MTCL3: variants seen among roughly 807,000 people sequenced by gnomAD.
The protein encoded by MTCL3 is MTCL family member 3.
At chr6:127,477,855 A>C in the MTCL3 span, among the ~76,000 whole-genome samples, 1 of 152,204 alleles carries the variant, frequency 6.6e-6, no homozygotes, top group Non-Finnish European at 1.5e-5. Flanking sequence ...TTAACATTGC[A>C]GTGCACAAGT....
the MTCL3 span, among the ~76,000 whole-genome samples, chr6:127,499,254 C>T: frequency 3.5e-4 from 54 of 152,138 alleles, no homozygotes; most frequent in African/African-American, 4.8e-4. Flanking sequence ...AAGGTCATAA[C>T]GGGAGATGAA....
At chr6:127,497,634 C>T in the MTCL3 span, among the ~76,000 whole-genome samples, 4 of 152,168 alleles carry the variant, frequency 2.6e-5, no homozygotes, top group Admixed American at 1.3e-4. Flanking sequence ...GAATTGTGCA[C>T]GTCAAGCTGT....
the MTCL3 span, among the ~76,000 whole-genome samples, chr6:127,504,557 G>A: frequency 4.6e-5 from 7 of 152,144 alleles, no homozygotes; most frequent in Non-Finnish European, 1.0e-4. Flanking sequence ...CATGGTAGAG[G>A]GGAGTGGTGG....
At chr6:127,499,121 T>C in the MTCL3 span, among the ~76,000 whole-genome samples, 2 of 151,942 alleles carry the variant, frequency 1.3e-5, no homozygotes, top group African/African-American at 4.8e-5. Flanking sequence ...AAAAGTCAGC[T>C]AAAAAAAGAA....
chr6:127,475,854 G>A, the MTCL3 span: 6 of 1,613,472 alleles, frequency 3.7e-6, no homozygotes, highest in Admixed American at 6.7e-5. The surrounding 1 kb of genome is among the most constrained non-coding windows in gnomAD (Gnocchi z 7.3). Flanking sequence ...CGCGGTTCTC[G>A]TACTGCAGCT....
At chr6:127,497,123 A>G in the MTCL3 span, among the ~76,000 whole-genome samples, 1 of 152,242 alleles carries the variant, frequency 6.6e-6, no homozygotes, top group Admixed American at 6.5e-5. Flanking sequence ...ACAACGTGGA[A>G]GTTTACTACA....
chr6:127,501,752 G>T, the MTCL3 span, among the ~76,000 whole-genome samples: 1 of 152,058 alleles, frequency 6.6e-6, no homozygotes, highest in African/African-American at 2.4e-5. Flanking sequence ...GTTAGGAAAG[G>T]CTAAATGACA....
chr6:127,515,432 C>T, the MTCL3 span: 5 of 1,318,886 alleles, frequency 3.8e-6, no homozygotes, highest in Non-Finnish European at 5.0e-6. This position sits in a 1 kb window ranked among gnomAD's most constrained non-coding sequence, Gnocchi z 4.3. Context: ...GGTTAGCAGC[C>T]TCTGATCCCT....
At chr6:127,515,587 G>T in the MTCL3 span, 2 of 1,434,432 alleles carry the variant, frequency 1.4e-6, no homozygotes, top group East Asian at 2.8e-5. This position sits in a 1 kb window ranked among gnomAD's most constrained non-coding sequence, Gnocchi z 4.3. Context: ...GAGCTGCTGC[G>T]GGTGCGGCTG....
chr6:127,475,203 C>A, the MTCL3 span: 8 of 1,397,050 alleles, frequency 5.7e-6, no homozygotes, highest in Non-Finnish European at 5.8e-6. This position sits in a 1 kb window ranked among gnomAD's most constrained non-coding sequence, Gnocchi z 7.3. Flanking sequence ...AAGCGGGGCG[C>A]GGCAGTCCGG....
the MTCL3 span, among the ~76,000 whole-genome samples, chr6:127,500,609 ATTATT>A: frequency 1.2e-3 from 183 of 152,218 alleles, 4 homozygotes; most frequent in Non-Finnish European, 4.0e-4. Context: ...TGTTGTACAG[ATTATT>A]TTATCACCTA....
At chr6:127,491,895 A>C in the MTCL3 span, among the ~76,000 whole-genome samples, 5 of 151,732 alleles carry the variant, frequency 3.3e-5, no homozygotes, top group Admixed American at 3.3e-4. Context: ...AAAAAAAAAA[A>C]AAAAAAAGAT....
the MTCL3 span, chr6:127,473,476 G>T: frequency 9.4e-7 from 1 of 1,064,652 alleles, no homozygotes; most frequent in Non-Finnish European, 1.3e-6. Flanking sequence ...AATTTAAGTA[G>T]TCATTCAACT....
the MTCL3 span, chr6:127,516,801 T>TTGACTTTAGGAATAGGATGCAGGGC: frequency 1.3e-5 from 13 of 1,024,184 alleles, no homozygotes; most frequent in South Asian, 2.1e-4. Context: ...AATAGAAGCT[T>TTGACTTTAGGAATAGGATGCAGGGC]TGACTTTAGG....
At chr6:127,514,201 T>C in the MTCL3 span, among the ~76,000 whole-genome samples, 1 of 152,194 alleles carries the variant, frequency 6.6e-6, no homozygotes, top group Non-Finnish European at 1.5e-5. Flanking sequence ...GAAGGAACAA[T>C]TGCACTTTAA....
chr6:127,494,026 T>C, the MTCL3 span, among the ~76,000 whole-genome samples: 1 of 152,188 alleles, frequency 6.6e-6, no homozygotes, highest in South Asian at 2.1e-4. Context: ...TAAGTCTTTT[T>C]TGGTGTGGGA....
chr6:127,516,974 T>C, the MTCL3 span, among the ~76,000 whole-genome samples: 1 of 151,986 alleles, frequency 6.6e-6, no homozygotes, highest in African/African-American at 2.4e-5. Context: ...AAGGGTGAGA[T>C]ACAGAGTCAG....
the MTCL3 span, among the ~76,000 whole-genome samples, chr6:127,501,624 C>T: frequency 6.6e-6 from 1 of 152,308 alleles, no homozygotes; most frequent in East Asian, 1.9e-4. Context: ...AATAACTGAG[C>T]TAGCCAGCAG....
chr6:127,514,195 G>C, the MTCL3 span, among the ~76,000 whole-genome samples: 2 of 152,038 alleles, frequency 1.3e-5, no homozygotes, highest in African/African-American at 4.8e-5. Context: ...AATTCTGAAG[G>C]AACAATTGCA....
Sources: gnomAD v4.1 joint callset for allele counts (sites outside exome capture counted in the v4.1 genomes callset) on GRCh38, gnomAD v4.1.1 for gene constraint, Gnocchi (gnomAD v3.1) non-coding constraint, MANE v1.5 for transcripts, NCBI Gene and HGNC (gene_info 2026-07-23, HGNC 2026-07-21) for gene names.